NELL1: variants seen among roughly 807,000 people sequenced by gnomAD.
NELL1 encodes the protein protein kinase C-binding protein NELL1.
In NELL1, 76 loss-of-function variants were observed where a neutral mutation model predicts 107.4. The observed-to-expected ratio is 0.71, with a 90% confidence interval of 0.59 to 0.86. NELL1 has a LOEUF of 0.86. Among genes scored for constraint, NELL1 ranks in the 40% least tolerant of loss-of-function variants. The pLI is 0.00. For missense variants in NELL1, 1,024 were observed against 1,005.5 expected (o/e 1.02, Z -0.25); for synonymous variants, 353 against 341.2 (o/e 1.03, Z -0.38).
intron 12 of NELL1, among the ~76,000 whole-genome samples, chr11:21,002,005 T>C (rs1296242816): frequency 1.3e-5 from 2 of 152,190 alleles, no homozygotes; most frequent in Admixed American, 6.5e-5. Flanking sequence ...TACTCAGTCA[T>C]TGGTTGAAGA....
At chr11:21,108,278 A>C (rs1855017772) in intron 12 of NELL1, among the ~76,000 whole-genome samples, 2 of 152,172 alleles carry the variant, frequency 1.3e-5, no homozygotes, top group South Asian at 4.1e-4. Context: ...CTTCTAATTT[A>C]ATGATGATGA....
At chr11:21,532,751 T>A (rs1260974741) in intron 15 of NELL1, among the ~76,000 whole-genome samples, 1 of 152,212 alleles carries the variant, frequency 6.6e-6, no homozygotes, top group Non-Finnish European at 1.5e-5. Context: ...AGAAGTCATC[T>A]CTATAATCAG....
intron 14 of NELL1, among the ~76,000 whole-genome samples, chr11:21,311,621 C>T (rs1418043387): frequency 6.6e-6 from 1 of 152,096 alleles, no homozygotes; most frequent in African/African-American, 2.4e-5. Context: ...GGGACTGTCT[C>T]TAGAGCATGT....
rs76784980 is a variant in NELL1, at chr11:21,497,397, G to A, written c.1646-36977G>A. ...GTCATATCCCAGTTTTTGTTATAAG[G>A]TCTTCAACTTTTTACTATTTTCTGG... is the stretch of plus-strand genomic sequence containing the variant. On this transcript the variant is annotated intron_variant, in intron 15 of 19. Transcript: ENST00000357134. Among the ~76,000 whole-genome samples the A allele has an allele frequency of 0.019, 2,857 of 152,070 alleles. 202 individuals carry two copies. In the East Asian group the frequency reaches 0.26, roughly 14 times the overall value.
intron 14 of NELL1, among the ~76,000 whole-genome samples, chr11:21,273,752 A>G (rs948910320): frequency 2.0e-5 from 3 of 152,232 alleles, no homozygotes; most frequent in Non-Finnish European, 2.9e-5. Flanking sequence ...AATATTCAAC[A>G]TTCTTAAAGA....
At chr11:21,547,216 CT>C in intron 16 of NELL1, among the ~76,000 whole-genome samples, 1 of 151,908 alleles carries the variant, frequency 6.6e-6, no homozygotes, top group East Asian at 1.9e-4. Flanking sequence ...TGCACCAGGT[CT>C]ATTGAATGAG....
Position 21,493,006 on chromosome 11 carries a change from T to G in NELL1, c.1646-41368T>G, listed in dbSNP as rs74588953. ...AAATGCTCAATATCACTAAGCATCA[T>G]GAAATGAAAATCAAAATCACAATAA... is the stretch of plus-strand genomic sequence containing the variant. On this transcript the variant is annotated intron_variant, in intron 15 of 19. Coordinates refer to ENST00000357134, the MANE Select transcript of NELL1 (RefSeq NM_006157.5). Among the ~76,000 whole-genome samples, 3,216 of 152,106 alleles carry G rather than the reference T, an allele frequency of 0.021. 287 individuals are homozygous for G. In the East Asian group the frequency reaches 0.28, roughly 13 times the overall value.
chr11:20,909,916 C>T (rs1377993397), intron 5 of NELL1, among the ~76,000 whole-genome samples: 3 of 152,130 alleles, frequency 2.0e-5, no homozygotes, highest in Non-Finnish European at 4.4e-5. Context: ...TTTGCAGGTC[C>T]GTCACCATTA....
At position 20,669,651 on chromosome 11, in the gene NELL1, C is replaced by A; in HGVS notation, c.-73C>A. The A allele has an allele frequency of 7.4e-7, 1 of 1,343,686 alleles. No individual in the cohort carries two copies. The highest frequency in any genetic ancestry group is 1.5e-5 in the African/African-American group (1 of 68,798). The allele number at this position is 1,343,686 out of a possible 1,614,324, so 83.2% of individuals were successfully genotyped here. On this transcript the variant is annotated 5_prime_UTR_variant, in exon 1 of 20. Coordinates refer to ENST00000357134, the MANE Select transcript of NELL1 (RefSeq NM_006157.5). This position sits in a 1 kb window ranked among gnomAD's most constrained non-coding sequence, Gnocchi z 4.4. ...AAGTTTGGCGGCTCCAAGCCAGGCG[C>A]GCCTCAGGATCCAGGCTCATTTGCT...
intron 2 of NELL1, among the ~76,000 whole-genome samples, chr11:20,723,263 G>C (rs1855433463): frequency 1.3e-5 from 2 of 152,126 alleles, no homozygotes; most frequent in African/African-American, 4.8e-5. Context: ...AAAAATCTAA[G>C]TCCAAAGTAT....
intron 12 of NELL1, among the ~76,000 whole-genome samples, chr11:21,109,553 C>A (rs907976629): frequency 2.0e-5 from 3 of 152,128 alleles, no homozygotes; most frequent in African/African-American, 7.2e-5. Flanking sequence ...ACTGTCACCA[C>A]CTGGGCAAAG....
intron 14 of NELL1, among the ~76,000 whole-genome samples, chr11:21,263,552 G>C (rs1848576242): frequency 1.3e-5 from 2 of 151,944 alleles, no homozygotes; most frequent in African/African-American, 2.4e-5. Flanking sequence ...AGTTGTGTGT[G>C]GTGTTCCATA....
chr11:20,989,670 A>G (rs72943144), intron 12 of NELL1, among the ~76,000 whole-genome samples: 6,970 of 152,226 alleles, frequency 0.046, 181 homozygotes, highest in East Asian at 0.083. Flanking sequence ...GGCAGATTCC[A>G]TAGCTTTTTA....
intron 3 of NELL1, among the ~76,000 whole-genome samples, chr11:20,813,337 A>G (rs904872659): frequency 6.6e-6 from 1 of 152,224 alleles, no homozygotes; most frequent in Admixed American, 6.5e-5. Context: ...TTGTTCACTA[A>G]CTGGAAAATA....
intron 15 of NELL1, among the ~76,000 whole-genome samples, chr11:21,503,658 T>G (rs1183254274): frequency 6.6e-6 from 1 of 152,136 alleles, no homozygotes; most frequent in Non-Finnish European, 1.5e-5. Flanking sequence ...AGGTAATTAT[T>G]TACATTGCTT....
At position 20,708,010 on chromosome 11, in the gene NELL1, G is replaced by A. The variant is rs532803657; in HGVS notation, c.184+29950G>A. On this transcript the variant is annotated intron_variant, in intron 2 of 19. Transcript: ENST00000357134. ...GGGCTCCACCCAGTTGGAGCTTCCC[G>A]GCTGCTTTGTTTACCTACTTAAGCC... Among the ~76,000 whole-genome samples the A allele has an allele frequency of 5.3e-4, 81 of 152,278 alleles. No individual in the cohort carries two copies. In the East Asian group the frequency reaches 6.2e-3, roughly 12 times the overall value.
intron 12 of NELL1, among the ~76,000 whole-genome samples, chr11:20,986,597 G>A (rs1037565916): frequency 4.6e-5 from 7 of 152,142 alleles, no homozygotes; most frequent in African/African-American, 1.2e-4. Context: ...GATTCATTAG[G>A]TCTCAGGTAG....
intron 15 of NELL1, among the ~76,000 whole-genome samples, chr11:21,502,442 T>C (rs1208188836): frequency 6.6e-6 from 1 of 152,218 alleles, no homozygotes; most frequent in Non-Finnish European, 1.5e-5. Flanking sequence ...CTCCTGATTG[T>C]TAGGAACTTT....
chr11:20,980,054 A>G (rs1361433868), intron 12 of NELL1, among the ~76,000 whole-genome samples: 3 of 152,184 alleles, frequency 2.0e-5, no homozygotes, highest in Non-Finnish European at 2.9e-5. Flanking sequence ...TAAATACTCA[A>G]TGACTTAAAG....
Sources: gnomAD v4.1 joint callset for allele counts (sites outside exome capture counted in the v4.1 genomes callset) on GRCh38, gnomAD v4.1.1 for gene constraint, Gnocchi (gnomAD v3.1) non-coding constraint, MANE v1.5 for transcripts, NCBI Gene and HGNC (gene_info 2026-07-23, HGNC 2026-07-21) for gene names.